CNN3: variants seen among roughly 807,000 people sequenced by gnomAD.
The protein encoded by CNN3 is calponin 3.
CNN3 carries 11 observed loss-of-function variants against 39.0 expected under a neutral mutation model. That is an observed-to-expected ratio of 0.28 (90% CI 0.18 to 0.47). The LOEUF is 0.47. Among genes scored for constraint, CNN3 ranks in the 20% least tolerant of loss-of-function variants. CNN3 has a pLI of 0.99. For missense variants in CNN3, 266 were observed against 403.4 expected (o/e 0.66, Z 2.92); for synonymous variants, 101 against 138.3 (o/e 0.73, Z 1.89).
chr1:94,925,638 T>C, intron 1 of CNN3: 2 of 985,438 alleles, frequency 2.0e-6, no homozygotes, highest in African/African-American at 1.7e-5. Context: ...ATTACCTCTT[T>C]ACATAATTCG....
At chr1:94,921,446 A>G (rs1224093271) in intron 1 of CNN3, among the ~76,000 whole-genome samples, 1 of 152,174 alleles carries the variant, frequency 6.6e-6, no homozygotes, top group Non-Finnish European at 1.5e-5. Context: ...TCTCCTGAAT[A>G]CAATGCTAAT....
At chr1:94,902,732 A>G (rs1670900146) in intron 3 of CNN3, among the ~76,000 whole-genome samples, 1 of 152,156 alleles carries the variant, frequency 6.6e-6, no homozygotes, top group Non-Finnish European at 1.5e-5. Flanking sequence ...ATACACACTC[A>G]TGAACTAAGG....
rs1019274033 is a variant in CNN3, at chr1:94,903,030, A to AAC, written c.246+91_246+92insGT. ...GTAATCAAAAAGTTAAAAAAAAAAA[A>AAC]AACACAAAACCAAAAAACCAAACCT... On this transcript the variant is annotated intron_variant, in intron 3 of 6. Coordinates refer to ENST00000370206, the MANE Select transcript of CNN3 (RefSeq NM_001839.5). 8 of 967,620 alleles carry AAC rather than the reference A, an allele frequency of 8.3e-6. No homozygotes were observed. The African/African-American group carries it at 1.4e-4, about 16-fold the overall frequency. The allele number at this position is 967,620 out of a possible 1,614,324, so 59.9% of individuals were successfully genotyped here.
At chr1:94,911,825 T>C (rs1213082562) in intron 1 of CNN3, among the ~76,000 whole-genome samples, 3 of 152,110 alleles carry the variant, frequency 2.0e-5, no homozygotes, top group Non-Finnish European at 4.4e-5. Context: ...ATCCCAGCAC[T>C]TTGGGAGGCC....
intron 1 of CNN3, among the ~76,000 whole-genome samples, chr1:94,904,383 T>A (rs762470863): frequency 1.1e-4 from 17 of 152,004 alleles, no homozygotes; most frequent in Non-Finnish European, 2.1e-4. Flanking sequence ...GTGAAAAAAA[T>A]CACATGCCCA....
intron 4 of CNN3, 167 bp downstream of exon 4, chr1:94,901,954 T>C (rs1286485296): frequency 2.2e-5 from 16 of 717,040 alleles, no homozygotes; most frequent in Non-Finnish European, 2.4e-6. Context: ...CTAAGTAAGC[T>C]ATCTAGTACG....
intron 1 of CNN3, among the ~76,000 whole-genome samples, chr1:94,919,633 G>A (rs1008970208): frequency 2.0e-5 from 3 of 152,254 alleles, no homozygotes; most frequent in Non-Finnish European, 2.9e-5. Flanking sequence ...GAGTGGAGGC[G>A]GGAAGAAGCA....
At chr1:94,924,085 C>T (rs1273833479) in intron 1 of CNN3, 2 of 152,300 alleles carry the variant, frequency 1.3e-5, no homozygotes, top group Non-Finnish European at 2.9e-5. Context: ...ATCTAGCATT[C>T]AAGCAATGTA....
intron 1 of CNN3, among the ~76,000 whole-genome samples, chr1:94,904,985 C>T (rs1670959354): frequency 6.6e-6 from 1 of 152,142 alleles, no homozygotes; most frequent in Admixed American, 6.5e-5. Flanking sequence ...GGCATCTTGA[C>T]ATTTTAGTCA....
chr1:94,905,807 C>T (rs1571521022), intron 1 of CNN3, among the ~76,000 whole-genome samples: 1 of 152,114 alleles, frequency 6.6e-6, no homozygotes, highest in Admixed American at 6.6e-5. Context: ...GCAATCCTCC[C>T]GCATCAGCCT....
intron 4 of CNN3, 43 bp downstream of exon 4, chr1:94,902,078 G>A: frequency 1.9e-6 from 3 of 1,539,624 alleles, no homozygotes; most frequent in Non-Finnish European, 9.0e-7. Context: ...CATCACCAAT[G>A]TGGTGGGAAT....
chr1:94,901,554 C>A (rs1392406491), intron 5 of CNN3, 115 bp downstream of exon 5: 4 of 80,428 alleles, frequency 5.0e-5, no homozygotes, highest in Non-Finnish European at 1.1e-4. Context: ...TAAACTACAC[C>A]CCCCCCCCAG....
At chr1:94,918,225 G>A (rs1323756229) in intron 1 of CNN3, among the ~76,000 whole-genome samples, 4 of 152,158 alleles carry the variant, frequency 2.6e-5, no homozygotes, top group Admixed American at 6.5e-5. Context: ...GGGCACAGTG[G>A]CTCATGCCTG....
In CNN3 at chr1:94,899,658, A is replaced by G. The variant is rs1197580181; in HGVS notation, c.502-141T>C. The G allele has an allele frequency of 3.8e-6, 3 of 790,118 alleles. No homozygotes were observed. In the African/African-American group the frequency reaches 5.3e-5, roughly 14 times the overall value. 48.9% of individuals were successfully genotyped at this position (790,118 alleles called of 1,614,324 possible). On this transcript the variant is annotated intron_variant, in intron 5 of 6. Coordinates refer to ENST00000370206, the MANE Select transcript of CNN3 (RefSeq NM_001839.5). ...AGCTGAGGCTCCAGTCAACTCTTCT[A>G]TGTGTCTACAAACAAATTTCAAGTG...
At chr1:94,925,241 G>C (rs1671546903) in intron 1 of CNN3, among the ~76,000 whole-genome samples, 1 of 152,176 alleles carries the variant, frequency 6.6e-6, no homozygotes, top group Non-Finnish European at 1.5e-5. Context: ...AGAATCACTG[G>C]GGGGAATTAC....
intron 1 of CNN3, among the ~76,000 whole-genome samples, chr1:94,916,184 C>T (rs1671274586): frequency 2.0e-5 from 3 of 152,136 alleles, no homozygotes; most frequent in African/African-American, 7.2e-5. Context: ...GCTCTACCGA[C>T]GATCTCTCAA....
chr1:94,900,442 A>T (rs1670834362), intron 5 of CNN3, among the ~76,000 whole-genome samples: 1 of 152,238 alleles, frequency 6.6e-6, no homozygotes, highest in Non-Finnish European at 1.5e-5. Context: ...TTTAATTTTA[A>T]AAATCCATAC....
At chr1:94,922,586 A>C (rs1055945404) in intron 1 of CNN3, among the ~76,000 whole-genome samples, 1 of 152,228 alleles carries the variant, frequency 6.6e-6, no homozygotes, top group Admixed American at 6.5e-5. Flanking sequence ...TAAAAAGAAA[A>C]AAGCTAAGCC....
chr1:94,901,353 C>CAA (rs1214598163), intron 5 of CNN3, among the ~76,000 whole-genome samples: 3 of 88,740 alleles, frequency 3.4e-5, no homozygotes, highest in Non-Finnish European at 4.6e-5. Context: ...GACTCTGTCT[C>CAA]AAAAAAAAAA....
Sources: allele counts gnomAD v4.1 joint callset (sites outside exome capture counted in the v4.1 genomes callset), GRCh38; gene constraint gnomAD v4.1.1; transcripts MANE v1.5; gene names NCBI Gene and HGNC (gene_info 2026-07-23, HGNC 2026-07-21).